The following TWF2 variants were observed in gnomAD, a reference collection of about 807,000 sequenced individuals.
TWF2 encodes the protein twinfilin actin binding protein 2.
A neutral mutation model predicts 45.1 loss-of-function variants in TWF2; 15 were observed. The ratio of observed to expected loss-of-function variants is 0.33; its 90% CI spans 0.22 to 0.51. TWF2 has a LOEUF of 0.51. TWF2 is among the 20% of genes least tolerant of loss of function. The pLI is 0.97. For missense variants in TWF2, 423 were observed against 469.1 expected, an observed-to-expected ratio of 0.90 and a Z score of 0.91; for synonymous variants, 177 against 195.8, an observed-to-expected ratio of 0.90 and a Z score of 0.80.
chr3:52,238,940 G>A, intron 1 of TWF2, 52 bp downstream of exon 1: 5 of 1,507,404 alleles, frequency 3.3e-6, no homozygotes, highest in East Asian at 2.4e-5. Context: ...GGGGGGGGGC[G>A]CTTCCGAGAG....
rs953836596 is a variant in TWF2, at chr3:52,239,140, G to C, written c.-124C>G. On this transcript the variant is annotated 5_prime_UTR_variant, in exon 1 of 9. Coordinates refer to ENST00000305533, the MANE Select transcript of TWF2 (RefSeq NM_007284.4). ...GCTGTCGACCCTCGCGCAGCTTCCC[G>C]GGCGGTGCCGCAGGACCCGCCCCCA... The C allele has an allele frequency of 2.3e-6, 3 of 1,295,374 alleles. No individual in the cohort carries two copies. The highest frequency in any genetic ancestry group is 3.0e-6 in the Non-Finnish European group (3 of 1,005,480). 80.2% of individuals were successfully genotyped at this position (1,295,374 alleles called of 1,614,324 possible).
At chr3:52,232,359 C>CA (rs1699686901) in intron 2 of TWF2, 1 of 558,258 alleles carries the variant, frequency 1.8e-6, no homozygotes, top group African/African-American at 1.9e-5. Context: ...CGTGCACACA[C>CA]CCCCCCACAC....
In TWF2 at chr3:52,228,898, G is replaced by T. The variant is rs949646386; in HGVS notation, c.*136C>A. 3.0e-6 allele frequency: 4 copies of T among 1,340,348 alleles called. No individual in the cohort carries two copies. In the Admixed American group the frequency reaches 7.9e-5, roughly 26 times the overall value. 83.0% of individuals were successfully genotyped at this position (1,340,348 alleles called of 1,614,324 possible). A position where few individuals can be genotyped will look rare whatever the true frequency, so the allele number is the denominator to read the frequency against. On this transcript the variant is annotated 3_prime_UTR_variant, in exon 9 of 9. Coordinates refer to ENST00000305533, the MANE Select transcript of TWF2 (RefSeq NM_007284.4). ...AATGCCAGCCCGGTGGCCCTCGGAC[G>T]CTGCAAGTGCGTTCAGCTGCCAGCC...
rs139858559 is a variant in TWF2, at chr3:52,235,906, C to T, written c.26-800G>A. On this transcript the variant is annotated intron_variant, in intron 1 of 8. Transcript: ENST00000305533. Reference sequence around the variant, plus strand: ...AGACCCCGAGGAGCCACAGCCAGCCCAGATACAGCCCTGTGGGGGGTGGGG... The same window carrying T: ...AGACCCCGAGGAGCCACAGCCAGCCTAGATACAGCCCTGTGGGGGGTGGGG... 1.1e-4 allele frequency among the ~76,000 whole-genome samples: 16 copies of T among 152,310 alleles called. 1 individual carries two copies. In the East Asian group the frequency reaches 3.1e-3, roughly 29 times the overall value.
At chr3:52,237,791 C>A (rs1699741331) in intron 1 of TWF2, among the ~76,000 whole-genome samples, 1 of 152,142 alleles carries the variant, frequency 6.6e-6, no homozygotes, top group Non-Finnish European at 1.5e-5. Context: ...GCCAGGGAAA[C>A]CTTCTCAGGG....
chr3:52,235,642 A>G (rs1018329745), intron 1 of TWF2, among the ~76,000 whole-genome samples: 1 of 152,232 alleles, frequency 6.6e-6, no homozygotes, highest in Non-Finnish European at 1.5e-5. Flanking sequence ...ACCCTCATAC[A>G]TGAACACATG....
At chr3:52,232,265 G>C in intron 2 of TWF2, 143 bp from the exon 3 acceptor site, 1 of 1,058,388 alleles carries the variant, frequency 9.4e-7, no homozygotes. Context: ...GGTCCCAGAA[G>C]TGTGAGGCTG....
intron 1 of TWF2, among the ~76,000 whole-genome samples, chr3:52,237,117 GAAGGCCAAGAAGC>G (rs1422123738): frequency 6.6e-6 from 1 of 152,166 alleles, no homozygotes; most frequent in Non-Finnish European, 1.5e-5. Flanking sequence ...TTCCCAGAAG[GAAGGCCAAGAAGC>G]TCCCCTAAGG....
rs777630618 is a variant in TWF2 at position 52,229,153 on chromosome 3, C to T, written c.931G>A (p.Glu311Lys). The stretch of plus-strand genomic sequence containing the variant: ...AAGGCGTGTTGCTTGGGGTGCACCT[C>T]GTCGTAGAGGAACTCTGCCGTCAGC... ...AELTAEFLYD[E>K]VHPKQHAFKQ... Residue 311 changes from glutamate to lysine, a missense_variant, in exon 9 of 9, where the codon GAG becomes AAG. Coordinates refer to ENST00000305533, the MANE Select transcript of TWF2 (RefSeq NM_007284.4). The T allele has an allele frequency of 3.1e-6, 5 of 1,613,288 alleles. No individual in the cohort carries two copies. The South Asian group carries it at 4.4e-5, about 14-fold the overall frequency.
chr3:52,229,347 T>A (rs1699656141), intron 8 of TWF2, 146 bp from the exon 9 acceptor site: 1 of 1,247,874 alleles, frequency 8.0e-7, no homozygotes, highest in Non-Finnish European at 1.1e-6. Flanking sequence ...CCACCTGGAA[T>A]GCCACTCCCA....
chr3:52,229,512 C>A, intron 8 of TWF2, 149 bp downstream of exon 8: 1 of 1,349,042 alleles, frequency 7.4e-7, no homozygotes, highest in East Asian at 2.4e-5. Context: ...AGCCTTGGGC[C>A]ATGCGTGTTG....
rs937864853 is a variant in TWF2, at chr3:52,239,136, T to C, written c.-120A>G. ...GGAGGCTGTCGACCCTCGCGCAGCTTCCCGGGCGGTGCCGCAGGACCCGCC... is the reference window on the plus strand; with the variant it reads ...GGAGGCTGTCGACCCTCGCGCAGCTCCCCGGGCGGTGCCGCAGGACCCGCC... On this transcript the variant is annotated 5_prime_UTR_variant, in exon 1 of 9. Transcript: ENST00000305533. 4 of 1,288,960 alleles carry C rather than the reference T, an allele frequency of 3.1e-6. No individual in the cohort carries two copies. The highest frequency in any genetic ancestry group is 3.8e-5 in the South Asian group (2 of 52,716). 79.8% of individuals were successfully genotyped at this position (1,288,960 alleles called of 1,614,324 possible). A position where few individuals can be genotyped will look rare whatever the true frequency, so the allele number is the denominator to read the frequency against.
chr3:52,238,362 G>A (rs1367477987), intron 1 of TWF2, among the ~76,000 whole-genome samples: 2 of 152,302 alleles, frequency 1.3e-5, no homozygotes, highest in African/African-American at 4.8e-5. Context: ...CCTAGCCTGG[G>A]GAGAGTGAGT....
At chr3:52,230,684 C>T (rs547316278) in intron 6 of TWF2, among the ~76,000 whole-genome samples, 186 bp downstream of exon 6, 2 of 152,036 alleles carry the variant, frequency 1.3e-5, no homozygotes, top group Admixed American at 6.5e-5. Context: ...GTGTCTGCGC[C>T]CCAGGCGGAA....
In TWF2 at chr3:52,229,689, T is replaced by C; in HGVS notation, c.854A>G (p.Gln285Arg). 1 of 1,613,496 alleles carries C rather than the reference T, an allele frequency of 6.2e-7. No homozygotes were observed. The highest frequency in any genetic ancestry group is 8.5e-7 in the Non-Finnish European group (1 of 1,180,014). The part of the protein sequence containing the change: ...CKSRLLDSVE[Q>R]DFHLEIAKKI... ...CTTGGCGATCTCCAGATGGAAGTCC[T>C]GCTCCACGGAGTCGAGGAGGCGGCT... Residue 285 changes from glutamine (Q) to arginine (R), a missense_variant, in exon 8 of 9, where the codon CAG (glutamine) becomes CGG (arginine). Transcript: ENST00000305533.
chr3:52,229,493 C>G (rs978189910), intron 8 of TWF2, among the ~76,000 whole-genome samples, 168 bp downstream of exon 8: 7 of 152,222 alleles, frequency 4.6e-5, no homozygotes, highest in African/African-American at 1.7e-4. Flanking sequence ...AGCCACCGAT[C>G]AGCTGGGCAG....
rs771065754 is a variant in TWF2 at position 52,229,009 on chromosome 3, A to T, written c.*25T>A. ...GAAGGTGGGCAGCCCCACAGTCCAC[A>T]CGTGGCCGGCCCTGCTCCAGCCTCC... On this transcript the variant is annotated 3_prime_UTR_variant, in exon 9 of 9. Transcript: ENST00000305533. 5.5e-5 allele frequency: 88 copies of T among 1,605,466 alleles called. No homozygotes were observed. The highest frequency in any genetic ancestry group is 7.2e-5 in the Non-Finnish European group (85 of 1,176,592).
intron 2 of TWF2, among the ~76,000 whole-genome samples, chr3:52,234,662 T>C (rs985828690): frequency 2.0e-5 from 3 of 151,870 alleles, no homozygotes; most frequent in Admixed American, 1.3e-4. Context: ...ATGAGGCGGG[T>C]GGCACCAGCC....
Position 52,232,131 on chromosome 3 carries a change from A to G in TWF2, c.104-9T>C. 2 of 1,553,080 alleles carry G rather than the reference A, an allele frequency of 1.3e-6. No homozygotes were observed. Among genetic ancestry groups the G allele is most frequent in the Non-Finnish European group, 1.7e-6 (2 of 1,148,362 alleles). Reference sequence around the variant, plus strand: ...ACCCAGCACGAGCTGCTCTGGGGGCAGAGGCCGGATGAGCAGCCGCTCCCA... The same window carrying G: ...ACCCAGCACGAGCTGCTCTGGGGGCGGAGGCCGGATGAGCAGCCGCTCCCA... On this transcript the variant is annotated splice_polypyrimidine_tract_variant and intron_variant, in intron 2 of 8. Coordinates refer to ENST00000305533, the MANE Select transcript of TWF2 (RefSeq NM_007284.4).
Sources: allele counts gnomAD v4.1 joint callset (sites outside exome capture counted in the v4.1 genomes callset), GRCh38; gene constraint gnomAD v4.1.1; transcripts MANE v1.5; gene names NCBI Gene and HGNC (gene_info 2026-07-23, HGNC 2026-07-21).